Variants in RYR2 observed in about 807,000 individuals in gnomAD.
RYR2 encodes ryanodine receptor 2.
In RYR2, 227 loss-of-function variants were observed where a neutral mutation model predicts 601.1. The observed-to-expected ratio is 0.38, with a 90% confidence interval of 0.34 to 0.42. RYR2 has a LOEUF of 0.42. RYR2 is among the 10% of genes least tolerant of loss of function. The probability of loss-of-function intolerance (pLI) is 1.00; values close to 1 mark genes in which losing one functional copy is unlikely to be tolerated. For synonymous variants in RYR2, 2,223 were observed against 2,175.1 expected (o/e 1.02, Z -0.61); for missense variants, 4,646 against 6,156.5 (o/e 0.75, Z 8.21).
chr1:237,737,810 T>C (rs1691280250), intron 79 of RYR2, among the ~76,000 whole-genome samples: 2 of 152,190 alleles, frequency 1.3e-5, no homozygotes, highest in African/African-American at 4.8e-5. Flanking sequence ...TTTATAAAAC[T>C]CATATTTCTC....
chr1:237,479,932 T>G (rs1185350282), intron 17 of RYR2, among the ~76,000 whole-genome samples: 1 of 152,180 alleles, frequency 6.6e-6, no homozygotes, highest in Non-Finnish European at 1.5e-5. Flanking sequence ...AGGAAACTAA[T>G]GAACCTAGGA....
chr1:237,772,012 AT>A lies in RYR2; in HGVS notation c.11562del (p.Gln3855ArgfsTer4). The A allele has an allele frequency of 6.6e-7, 1 of 1,509,354 alleles. No homozygotes were observed. The allele number at this position is 1,509,354 out of a possible 1,614,324, so 93.5% of individuals were successfully genotyped here. A position where few individuals can be genotyped will look rare whatever the true frequency, so the allele number is the denominator to read the frequency against. ...AATAACATTTTTTTATCTTGCATAG[AT>A]TTTCAGAATTATCTGAGAACTCAGA... ...LQLLCEGHNS[D>X]FQNYLRTQTG... On this transcript the variant is annotated frameshift_variant and splice_region_variant, in exon 86 of 105. Coordinates refer to ENST00000366574, the MANE Select transcript of RYR2 (RefSeq NM_001035.3). LOFTEE classifies it high-confidence loss of function.
At chr1:237,047,860 C>CTTA (rs943412632) in intron 1 of RYR2, among the ~76,000 whole-genome samples, 1 of 152,122 alleles carries the variant, frequency 6.6e-6, no homozygotes, top group African/African-American at 2.4e-5. Context: ...CCTTCATGAG[C>CTTA]TTATCTATGT....
chr1:237,355,551 T>A (rs1220591917), intron 3 of RYR2, among the ~76,000 whole-genome samples: 1 of 152,154 alleles, frequency 6.6e-6, no homozygotes, highest in Non-Finnish European at 1.5e-5. Flanking sequence ...TTAAGTGTCA[T>A]GAGAGAAACT....
In RYR2 at chr1:237,069,657, G is replaced by A. The variant is rs1238323653; in HGVS notation, c.48+27088G>A. Reference sequence around the variant, plus strand: ...ACCTTAGTGAAGTACTGAATTATTAGGAGTGAGGAATTTCCTTCAATATTC... The same window carrying A: ...ACCTTAGTGAAGTACTGAATTATTAAGAGTGAGGAATTTCCTTCAATATTC... On this transcript the variant is annotated intron_variant, in intron 1 of 104. Coordinates refer to ENST00000366574, the MANE Select transcript of RYR2 (RefSeq NM_001035.3). Among the ~76,000 whole-genome samples the A allele has an allele frequency of 7.9e-5, 12 of 152,100 alleles. No homozygotes were observed. In the East Asian group the frequency reaches 2.1e-3, roughly 27 times the overall value.
chr1:237,417,228 G>A (rs969063574), intron 11 of RYR2, 105 bp downstream of exon 11: 3 of 806,764 alleles, frequency 3.7e-6, no homozygotes, highest in Non-Finnish European at 6.1e-6. Context: ...GCAAGCAAGC[G>A]AACAAAGGAA....
At chr1:237,490,528 GGTATTCA>G (rs1663214556) in intron 17 of RYR2, among the ~76,000 whole-genome samples, 2 of 151,954 alleles carry the variant, frequency 1.3e-5, no homozygotes, top group East Asian at 3.9e-4. Context: ...AAAAAAAAAA[GGTATTCA>G]GTTTTAGTAT....
chr1:237,508,048 C>G (rs1273072067), intron 23 of RYR2, among the ~76,000 whole-genome samples: 1 of 152,154 alleles, frequency 6.6e-6, no homozygotes, highest in East Asian at 1.9e-4. Flanking sequence ...ACTGCAACCT[C>G]CACCTACCCG....
chr1:237,764,487 C>T (rs12134478), intron 84 of RYR2, among the ~76,000 whole-genome samples: 92,792 of 146,730 alleles, frequency 0.63, 29,327 homozygotes, highest in African/African-American at 0.66. Context: ...GTCGCTCTGT[C>T]GCCCAGGCTG....
intron 1 of RYR2, among the ~76,000 whole-genome samples, chr1:237,252,622 A>T (rs1687572235): frequency 6.6e-6 from 1 of 152,216 alleles, no homozygotes; most frequent in African/African-American, 2.4e-5. Context: ...ACAAAAATAG[A>T]AATGAGGAAG....
intron 24 of RYR2, among the ~76,000 whole-genome samples, chr1:237,514,651 G>T (rs1231278643): frequency 1.3e-5 from 2 of 152,160 alleles, no homozygotes; most frequent in East Asian, 1.9e-4. Flanking sequence ...TAATTGGCAG[G>T]CCCCAGAGCA....
chr1:237,203,772 A>C (rs1681463207), intron 1 of RYR2, among the ~76,000 whole-genome samples: 1 of 152,220 alleles, frequency 6.6e-6, no homozygotes, highest in Non-Finnish European at 1.5e-5. Context: ...TTTTTGAGAA[A>C]TGTATACACA....
chr1:237,437,381 A>T (rs1707508480), intron 12 of RYR2, among the ~76,000 whole-genome samples: 2 of 152,218 alleles, frequency 1.3e-5, no homozygotes, highest in Middle Eastern at 3.4e-3. Flanking sequence ...TATTCATTTG[A>T]AAATTAGATG....
chr1:237,773,188 T>C (rs1433299367), intron 86 of RYR2, among the ~76,000 whole-genome samples: 2 of 152,178 alleles, frequency 1.3e-5, no homozygotes. Flanking sequence ...TGTGCTCACA[T>C]AGTAAACATC....
intron 4 of RYR2, among the ~76,000 whole-genome samples, chr1:237,363,055 G>A (rs1372458238): frequency 6.7e-6 from 1 of 149,464 alleles, no homozygotes; most frequent in African/African-American, 2.5e-5. Flanking sequence ...AAAATTGTCT[G>A]AAGGAAAATC....
chr1:237,385,579 T>G lies in RYR2; in HGVS notation c.577-1702T>G, dbSNP rs181028693. On this transcript the variant is annotated intron_variant, in intron 8 of 104. Transcript: ENST00000366574. ...TGATGGTAATCTACTTATCATAATA[T>G]TACATGAGCTTTCACTTGGACACAG... Among the ~76,000 whole-genome samples the G allele has an allele frequency of 4.6e-5, 7 of 152,344 alleles. No homozygotes were observed. The East Asian group carries it at 1.4e-3, about 29-fold the overall frequency.
intron 66 of RYR2, among the ~76,000 whole-genome samples, chr1:237,704,771 GA>G (rs1341550255): frequency 6.6e-6 from 1 of 151,712 alleles, no homozygotes. Flanking sequence ...AAGACATTTT[GA>G]AAAAAATAGA....
At chr1:237,047,521 G>A (rs975656202) in intron 1 of RYR2, among the ~76,000 whole-genome samples, 9 of 151,404 alleles carry the variant, frequency 5.9e-5, no homozygotes, top group Middle Eastern at 3.4e-3. Flanking sequence ...TCCTGCAGAA[G>A]TGGTCTTCTC....
In RYR2 at chr1:237,730,362, T is replaced by A. The variant is rs773965672; in HGVS notation, c.10935+6T>A. On this transcript the variant is annotated splice_donor_region_variant and intron_variant, in intron 77 of 104. Transcript: ENST00000366574. ...AACTGATAGAAGATTTAGCAGTATGTTTTTAGTGGGGCTCTAAGATGAAAG... is the reference window on the plus strand; with the variant it reads ...AACTGATAGAAGATTTAGCAGTATGATTTTAGTGGGGCTCTAAGATGAAAG... 6.7e-7 allele frequency: 1 copy of A among 1,483,856 alleles called. No homozygotes were observed. The highest frequency in any genetic ancestry group is 9.4e-7 in the Non-Finnish European group (1 of 1,061,566). The allele number at this position is 1,483,856 out of a possible 1,614,324, so 91.9% of individuals were successfully genotyped here. A position where few individuals can be genotyped will look rare whatever the true frequency, so the allele number is the denominator to read the frequency against.
Sources: gnomAD v4.1 joint callset for allele counts (sites outside exome capture counted in the v4.1 genomes callset) on GRCh38, gnomAD v4.1.1 for gene constraint, MANE v1.5 for transcripts, NCBI Gene and HGNC (gene_info 2026-07-23, HGNC 2026-07-21) for gene names.